The following MAST4 variants were observed in gnomAD, a reference collection of about 807,000 sequenced individuals.
The protein encoded by MAST4 is microtubule-associated serine/threonine-protein kinase 4.
Under a neutral mutation model 162.7 loss-of-function variants are expected in MAST4, and 89 were observed. That is an observed-to-expected ratio of 0.55 (90% CI 0.46 to 0.65). The LOEUF (loss-of-function observed/expected upper bound fraction) is 0.65. Ranked by LOEUF, MAST4 falls within the 30% of genes least tolerant of loss-of-function variation. The pLI is 0.00. For missense variants in MAST4, 3,153 were observed against 3,374.0 expected (o/e 0.93, Z 1.62); for synonymous variants, 1,479 against 1,361.1 (o/e 1.09, Z -1.91).
chr5:67,041,028 T>G (rs1756676863), intron 4 of MAST4, among the ~76,000 whole-genome samples: 1 of 152,230 alleles, frequency 6.6e-6, no homozygotes, highest in Admixed American at 6.5e-5. Flanking sequence ...ATTAAACCAT[T>G]GCTTGGAGTG....
chr5:67,010,540 C>T (rs1752545349), intron 4 of MAST4, among the ~76,000 whole-genome samples: 1 of 151,962 alleles, frequency 6.6e-6, no homozygotes, highest in Non-Finnish European at 1.5e-5. Flanking sequence ...GCAGGCTGTG[C>T]CAAAATAATA....
intron 3 of MAST4, among the ~76,000 whole-genome samples, chr5:66,881,334 C>G (rs1030163522): frequency 6.6e-6 from 1 of 152,136 alleles, no homozygotes; most frequent in Non-Finnish European, 1.5e-5. Flanking sequence ...GTGTAAAGAT[C>G]ATACTCATTA....
intron 4 of MAST4, among the ~76,000 whole-genome samples, chr5:66,907,882 T>C (rs190567362): frequency 6.6e-6 from 1 of 152,208 alleles, no homozygotes; most frequent in Admixed American, 6.5e-5. Flanking sequence ...GTAAACCATA[T>C]TTGAATAAAT....
chr5:66,676,794 G>C (rs901453654), intron 1 of MAST4, among the ~76,000 whole-genome samples: 6 of 152,176 alleles, frequency 3.9e-5, no homozygotes, highest in African/African-American at 1.2e-4. Context: ...AGAATTGCCT[G>C]ACTGATCAAG....
rs1404436743 is a variant in MAST4 at position 67,169,513 on chromosome 5, A to T, written c.*2462A>T. On this transcript the variant is annotated 3_prime_UTR_variant, in exon 29 of 29. Coordinates refer to ENST00000403625, the MANE Select transcript of MAST4 (RefSeq NM_001164664.2). ...ATTTTCTCTAAGAAATTCCTTATGG[A>T]CGTCATAATTGTTGTATATTGAACA... 2 of 152,184 alleles carry T rather than the reference A, an allele frequency of 1.3e-5. No homozygotes were observed. The highest frequency in any genetic ancestry group is 4.8e-5 in the African/African-American group (2 of 41,446). 9.4% of individuals were successfully genotyped at this position (152,184 alleles called of 1,614,324 possible).
chr5:66,904,025 G>C (rs918327273), intron 4 of MAST4, among the ~76,000 whole-genome samples: 1 of 152,212 alleles, frequency 6.6e-6, no homozygotes, highest in African/African-American at 2.4e-5. Context: ...GTTTGATTTA[G>C]ATTTTTCTAA....
chr5:66,884,581 C>T (rs79638442), intron 3 of MAST4, among the ~76,000 whole-genome samples: 3,271 of 152,260 alleles, frequency 0.021, 44 homozygotes, highest in Non-Finnish European at 0.031. Flanking sequence ...TTGATTACCG[C>T]GTTATTGCTT....
intron 10 of MAST4, among the ~76,000 whole-genome samples, chr5:67,107,191 T>C (rs1347223867): frequency 6.6e-6 from 1 of 152,210 alleles, no homozygotes; most frequent in Admixed American, 6.5e-5. Context: ...CATTCCTTTA[T>C]AGGCATGCCC....
chr5:67,073,825 A>AT (rs1327912045), intron 5 of MAST4, among the ~76,000 whole-genome samples: 3 of 152,236 alleles, frequency 2.0e-5, no homozygotes, highest in African/African-American at 7.2e-5. Context: ...TACTAAAATG[A>AT]TTCATATGGC....
intron 1 of MAST4, among the ~76,000 whole-genome samples, chr5:66,734,286 A>G (rs562701950): frequency 6.6e-6 from 1 of 152,306 alleles, no homozygotes; most frequent in East Asian, 1.9e-4. Flanking sequence ...GTCAGATAAT[A>G]GATATTAGGA....
chr5:67,156,794 G>C (rs1344633196), intron 26 of MAST4, among the ~76,000 whole-genome samples: 1 of 152,234 alleles, frequency 6.6e-6, no homozygotes, highest in African/African-American at 2.4e-5. Context: ...TCCCATCTGT[G>C]CTTTCCAGAG....
At chr5:66,866,106 T>TAG in intron 3 of MAST4, among the ~76,000 whole-genome samples, 1 of 147,880 alleles carries the variant, frequency 6.8e-6, no homozygotes, top group South Asian at 2.1e-4. Flanking sequence ...GGAAATAGAG[T>TAG]ACGTTGCTGG....
chr5:66,601,157 G>A (rs1356310532), intron 1 of MAST4, among the ~76,000 whole-genome samples: 1 of 152,176 alleles, frequency 6.6e-6, no homozygotes, highest in Non-Finnish European at 1.5e-5. Context: ...ATAGCAAAAA[G>A]CAAGCAAGAA....
chr5:66,719,456 A>T (rs138696779), intron 1 of MAST4, among the ~76,000 whole-genome samples: 8 of 152,360 alleles, frequency 5.3e-5, no homozygotes, highest in African/African-American at 1.7e-4. Context: ...CCAAGTGTTT[A>T]ATGGGTTATA....
intron 4 of MAST4, among the ~76,000 whole-genome samples, chr5:66,933,365 T>C (rs762562510): frequency 2.0e-5 from 3 of 152,232 alleles, no homozygotes; most frequent in African/African-American, 7.2e-5. Flanking sequence ...TTAATAATTG[T>C]TCTACATTCT....
chr5:66,625,906 A>G (rs147804003), intron 1 of MAST4, among the ~76,000 whole-genome samples: 32 of 152,346 alleles, frequency 2.1e-4, no homozygotes, highest in African/African-American at 7.5e-4. Flanking sequence ...ACAGATGAGT[A>G]AAGAAAATGT....
At chr5:66,815,168 A>C (rs1315895200) in intron 3 of MAST4, among the ~76,000 whole-genome samples, 2 of 152,230 alleles carry the variant, frequency 1.3e-5, no homozygotes, top group African/African-American at 4.8e-5. Context: ...CTCCATGCTG[A>C]GCACATATTA....
intron 3 of MAST4, among the ~76,000 whole-genome samples, chr5:66,809,087 G>A (rs1028902337): frequency 3.3e-5 from 5 of 152,174 alleles, no homozygotes; most frequent in Admixed American, 1.3e-4. Flanking sequence ...CCTGTCAGCA[G>A]GTATACATCT....
chr5:66,867,440 AATTT>A (rs1339287757), intron 3 of MAST4, among the ~76,000 whole-genome samples: 1 of 152,232 alleles, frequency 6.6e-6, no homozygotes, highest in African/African-American at 2.4e-5. Context: ...GGGGAACAAT[AATTT>A]ATTTAAAAAG....
Sources: gnomAD v4.1 joint callset for allele counts (sites outside exome capture counted in the v4.1 genomes callset) on GRCh38, gnomAD v4.1.1 for gene constraint, MANE v1.5 for transcripts, NCBI Gene and HGNC (gene_info 2026-07-23, HGNC 2026-07-21) for gene names.